Variants in ABCC12 observed in about 807,000 individuals in gnomAD.
ABCC12 encodes the protein ATP-binding cassette sub-family C member 12.
Under a neutral mutation model 151.1 loss-of-function variants are expected in ABCC12, and 142 were observed. The ratio of observed to expected loss-of-function variants is 0.94; its 90% CI spans 0.82 to 1.08. The LOEUF is 1.08. Among genes scored for constraint, ABCC12 ranks in the 50% least tolerant of loss-of-function variants. The pLI is 0.00. For missense variants in ABCC12, 1,638 were observed against 1,691.1 expected, an observed-to-expected ratio of 0.97 and a Z score of 0.55; for synonymous variants, 645 against 646.4, an observed-to-expected ratio of 1.00 and a Z score of 0.03.
intron 13 of ABCC12, among the ~76,000 whole-genome samples, chr16:48,118,061 C>T (rs1963948716): frequency 1.3e-5 from 2 of 152,098 alleles, no homozygotes; most frequent in East Asian, 1.9e-4. Flanking sequence ...GTTTGACAGC[C>T]GAGGCCCTAG....
intron 10 of ABCC12, among the ~76,000 whole-genome samples, chr16:48,130,328 T>A (rs1289428739): frequency 1.3e-5 from 2 of 152,200 alleles, no homozygotes; most frequent in African/African-American, 4.8e-5. Flanking sequence ...CCATGTCTTA[T>A]ATATAGGAGG....
At chr16:48,085,977 C>T (rs751214777) in intron 28 of ABCC12, among the ~76,000 whole-genome samples, 7 of 152,120 alleles carry the variant, frequency 4.6e-5, no homozygotes, top group Non-Finnish European at 7.3e-5. Context: ...GATGCAGTCC[C>T]AGAGAGCAAA....
chr16:48,083,748 A>T lies in ABCC12; in HGVS notation c.4047T>A (p.Phe1349Leu), dbSNP rs12373105. 21,656 of 1,614,218 alleles carry T rather than the reference A, an allele frequency of 0.013. 178 individuals carry two copies. Among genetic ancestry groups the T allele is most frequent in the Non-Finnish European group, 0.016 (19,158 of 1,180,030 alleles). ...TGACTTCTGCTGCTAGTAACATCGC[A>T]AATGCAGAATCTGGCTTCTCTGCAA... ...EVLAEKPDSA[F>L]AMLLAAEVRL is the part of the protein sequence containing the mutation. Residue 1349 changes from phenylalanine to leucine, a missense_variant, in exon 31 of 31, where the codon TTT (phenylalanine) becomes TTA (leucine). By Grantham distance (22) the Phe-to-Leu change is conservative. Coordinates refer to ENST00000311303, the MANE Select transcript of ABCC12 (RefSeq NM_001393797.1).
intron 6 of ABCC12, among the ~76,000 whole-genome samples, chr16:48,139,708 C>T (rs530318222): frequency 6.6e-6 from 1 of 152,320 alleles, no homozygotes; most frequent in African/African-American, 2.4e-5. Context: ...ATTTCCCAGC[C>T]TCCTTTGTGG....
Position 48,105,170 on chromosome 16 carries a change from G to T in ABCC12, c.2642C>A (p.Ser881Tyr). The change falls in exon 21 of 31, where the codon TCC becomes TAC. Residue 881 changes from serine to tyrosine, a missense_variant. Coordinates refer to ENST00000311303, the MANE Select transcript of ABCC12 (RefSeq NM_001393797.1). ...FVFTKTTLMASSSLHDTVFDK... is the reference protein window; with the variant it reads ...FVFTKTTLMAYSSLHDTVFDK... ...AAACACCGTGTCATGCAGAGAGGAG[G>T]ATGCCATCAGTGTGGTCTTGGTGAA... 6.2e-7 allele frequency: 1 copy of T among 1,614,150 alleles called. No homozygotes were observed.
chr16:48,120,754 C>A (rs1449341791), intron 13 of ABCC12, among the ~76,000 whole-genome samples: 1 of 152,076 alleles, frequency 6.6e-6, no homozygotes, highest in Non-Finnish European at 1.5e-5. Flanking sequence ...CAGGGTTTCA[C>A]CATGTTGGTC....
chr16:48,138,799 T>G (rs1471008907), intron 7 of ABCC12, among the ~76,000 whole-genome samples: 1 of 148,678 alleles, frequency 6.7e-6, no homozygotes, highest in African/African-American at 2.6e-5. Context: ...AGACCCTATC[T>G]CTACAATTTT....
rs377636062 is a variant in ABCC12 at position 48,104,245 on chromosome 16, G to T, written c.2797C>A (p.Gln933Lys). 1.9e-6 allele frequency: 3 copies of T among 1,614,108 alleles called. No individual in the cohort carries two copies. In the African/African-American group the frequency reaches 4.0e-5, roughly 22 times the overall value. ...LPFHAENFLQ[Q>K]FFMVVFILVI... ...AGAATAAACACCACCATAAAAAACT[G>T]CTGCAGAAAGTTCTCTGCGTGAAAC... Residue 933 changes from glutamine to lysine, a missense_variant, in exon 22 of 31, where the codon CAG becomes AAG. Gln to Lys is a moderately conservative substitution (Grantham distance 53, BLOSUM62 1). Coordinates refer to ENST00000311303, the MANE Select transcript of ABCC12 (RefSeq NM_001393797.1).
At chr16:48,155,436 T>TCC in intron 1 of ABCC12, among the ~76,000 whole-genome samples, 1 of 151,720 alleles carries the variant, frequency 6.6e-6, no homozygotes, top group African/African-American at 2.4e-5. Context: ...AGTAAAGCTT[T>TCC]CCAGGTCTTT....
In ABCC12 at chr16:48,146,288, G is replaced by A. The variant is rs74018281; in HGVS notation, c.119+18C>T. On this transcript the variant is annotated intron_variant, in intron 3 of 30. Transcript: ENST00000311303. ...AGGTCCTGCCCTGGCCCTCCCTTCT[G>A]TCCTTCTTCTGACTTACCTTGCACA... 9,598 of 1,611,860 alleles carry A rather than the reference G, an allele frequency of 6.0e-3. 457 individuals carry two copies. In the African/African-American group the frequency reaches 0.11, roughly 19 times the overall value.
chr16:48,132,007 G>A (rs1964444135), intron 9 of ABCC12, among the ~76,000 whole-genome samples: 1 of 152,156 alleles, frequency 6.6e-6, no homozygotes, highest in African/African-American at 2.4e-5. Context: ...GCAGAGAAGC[G>A]ACTGCAATCA....
intron 29 of ABCC12, 53 bp downstream of exon 29, chr16:48,085,540 G>A: frequency 2.0e-6 from 3 of 1,498,506 alleles, no homozygotes; most frequent in Non-Finnish European, 2.8e-6. Context: ...GGATTGAGTG[G>A]CGCTGCGGGA....
intron 13 of ABCC12, among the ~76,000 whole-genome samples, chr16:48,118,012 G>A (rs1354814080): frequency 6.6e-6 from 1 of 152,116 alleles, no homozygotes; most frequent in Non-Finnish European, 1.5e-5. Flanking sequence ...CCCCCTCAGC[G>A]TCACGCTCTG....
At chr16:48,085,880 C>G (rs1962575677) in intron 28 of ABCC12, among the ~76,000 whole-genome samples, 174 bp from the exon 29 acceptor site, 1 of 152,116 alleles carries the variant, frequency 6.6e-6, no homozygotes, top group South Asian at 2.1e-4. Flanking sequence ...AGGGAAAGAC[C>G]AGGGAGTAGA....
intron 2 of ABCC12, among the ~76,000 whole-genome samples, chr16:48,147,735 T>C (rs943266499): frequency 1.1e-4 from 17 of 152,126 alleles, no homozygotes; most frequent in Admixed American, 1.0e-3. Context: ...CAATAACCCT[T>C]GCTTATATTA....
intron 18 of ABCC12, among the ~76,000 whole-genome samples, chr16:48,109,054 G>A: frequency 6.6e-6 from 1 of 152,148 alleles, no homozygotes; most frequent in East Asian, 1.9e-4. Context: ...TCCCTGGATG[G>A]GGGTGTTAAT....
chr16:48,087,875 T>C lies in ABCC12; in HGVS notation c.3635+51A>G, dbSNP rs1244469336. On this transcript the variant is annotated intron_variant, in intron 27 of 30. Coordinates refer to ENST00000311303, the MANE Select transcript of ABCC12 (RefSeq NM_001393797.1). ...GGGACATCACAAAGTTCTTGGTCAGTCTGATTTCACTCTCCAAAAATAGAA... is the reference window on the plus strand; with the variant it reads ...GGGACATCACAAAGTTCTTGGTCAGCCTGATTTCACTCTCCAAAAATAGAA... 4.4e-6 allele frequency: 7 copies of C among 1,581,706 alleles called. No individual in the cohort carries two copies. In the Admixed American group the frequency reaches 1.2e-4, roughly 27 times the overall value.
At chr16:48,144,407 T>C (rs1964930001) in intron 3 of ABCC12, among the ~76,000 whole-genome samples, 1 of 151,954 alleles carries the variant, frequency 6.6e-6, no homozygotes, top group Non-Finnish European at 1.5e-5. Context: ...CTTCTTCCCC[T>C]CCTCTTCCTT....
At chr16:48,127,619 T>C (rs1485277416) in intron 11 of ABCC12, among the ~76,000 whole-genome samples, 1 of 152,238 alleles carries the variant, frequency 6.6e-6, no homozygotes, top group Non-Finnish European at 1.5e-5. Context: ...AACCCTCTTG[T>C]GCCTTAGGCT....
Sources: gnomAD v4.1 joint callset for allele counts (sites outside exome capture counted in the v4.1 genomes callset) on GRCh38, gnomAD v4.1.1 for gene constraint, MANE v1.5 for transcripts, NCBI Gene and HGNC (gene_info 2026-07-23, HGNC 2026-07-21) for gene names.